TAS2R1: variants seen among roughly 807,000 people sequenced by gnomAD.
The protein encoded by TAS2R1 is taste receptor type 2 member 1.
For missense variants in TAS2R1, 370 were observed against 353.4 expected (o/e 1.05, Z -0.38); for synonymous variants, 141 against 134.2 (o/e 1.05, Z -0.35).
At chr5:9,649,812 C>A (rs935554348) in intron 2 of TAS2R1, among the ~76,000 whole-genome samples, 5 of 152,148 alleles carry the variant, frequency 3.3e-5, no homozygotes, top group African/African-American at 1.2e-4. Flanking sequence ...AGATTCATGA[C>A]AAACAGATGA....
the TAS2R1 span, among the ~76,000 whole-genome samples, chr5:9,867,448 T>C: frequency 1.9e-3 from 287 of 152,036 alleles, 1 homozygote; most frequent in Non-Finnish European, 6.9e-4. Flanking sequence ...AAAGAGTGTA[T>C]GCAAGGGATC....
the TAS2R1 span, among the ~76,000 whole-genome samples, chr5:9,862,254 G>A: frequency 1.3e-5 from 2 of 152,126 alleles, no homozygotes; most frequent in Non-Finnish European, 2.9e-5. Flanking sequence ...CATAGTCAGT[G>A]CATTCGTTTT....
At chr5:9,811,892 C>T in the TAS2R1 span, among the ~76,000 whole-genome samples, 1 of 152,132 alleles carries the variant, frequency 6.6e-6, no homozygotes, top group African/African-American at 2.4e-5. Context: ...TTCAACACAA[C>T]AGCCTCTTGG....
At chr5:9,859,541 G>A in the TAS2R1 span, among the ~76,000 whole-genome samples, 16 of 152,228 alleles carry the variant, frequency 1.1e-4, no homozygotes, top group Admixed American at 5.9e-4. Flanking sequence ...TGATTATTGC[G>A]TTCTGCTCTT....
the TAS2R1 span, among the ~76,000 whole-genome samples, chr5:9,774,216 G>A: frequency 2.6e-5 from 4 of 152,090 alleles, no homozygotes; most frequent in Non-Finnish European, 4.4e-5. Context: ...AGAGACTCAG[G>A]CATCCTTCGG....
the TAS2R1 span, among the ~76,000 whole-genome samples, chr5:9,829,699 G>A: frequency 2.6e-5 from 4 of 152,304 alleles, no homozygotes; most frequent in South Asian, 6.2e-4. Flanking sequence ...ATGGGCCCAG[G>A]AGTGGCAGGG....
intron 2 of TAS2R1, among the ~76,000 whole-genome samples, chr5:9,648,564 C>T (rs1740242264): frequency 6.6e-6 from 1 of 151,976 alleles, no homozygotes; most frequent in Non-Finnish European, 1.5e-5. Context: ...AGCTCGGTGT[C>T]CAGTGGCCCC....
chr5:9,769,864 T>C, the TAS2R1 span, among the ~76,000 whole-genome samples: 1 of 152,202 alleles, frequency 6.6e-6, no homozygotes, highest in Non-Finnish European at 1.5e-5. Flanking sequence ...TTCTATGGAT[T>C]ATCTCTTCAG....
chr5:9,757,276 G>T, the TAS2R1 span, among the ~76,000 whole-genome samples: 2,420 of 152,110 alleles, frequency 0.016, 56 homozygotes, highest in African/African-American at 0.053. Context: ...TTTATATTAG[G>T]ATAAAACTAC....
chr5:9,810,742 C>G, the TAS2R1 span, among the ~76,000 whole-genome samples: 1 of 152,106 alleles, frequency 6.6e-6, no homozygotes, highest in African/African-American at 2.4e-5. Context: ...GAAAAGTGGA[C>G]CCTTCTGAAT....
chr5:9,655,986 ACT>A (rs1335915297), intron 2 of TAS2R1, among the ~76,000 whole-genome samples: 1 of 151,484 alleles, frequency 6.6e-6, no homozygotes, highest in Admixed American at 6.6e-5. Flanking sequence ...GCTTCCCCTG[ACT>A]CTCAATGCTA....
chr5:9,681,665 C>T (rs1172637280), intron 1 of TAS2R1, among the ~76,000 whole-genome samples: 1 of 152,106 alleles, frequency 6.6e-6, no homozygotes, highest in Non-Finnish European at 1.5e-5. Context: ...CTTGCTCCCT[C>T]CTTAGACAAG....
the TAS2R1 span, among the ~76,000 whole-genome samples, chr5:9,769,537 A>G: frequency 6.6e-6 from 1 of 152,186 alleles, no homozygotes; most frequent in African/African-American, 2.4e-5. Context: ...CTAACAATGT[A>G]TGAGGGTTCC....
At chr5:9,822,162 A>C in the TAS2R1 span, among the ~76,000 whole-genome samples, 2 of 151,960 alleles carry the variant, frequency 1.3e-5, no homozygotes, top group Non-Finnish European at 2.9e-5. Flanking sequence ...ACTAGTTTTT[A>C]ATGTTTTGTT....
chr5:9,716,440 C>T (rs1300320049), upstream of TAS2R1, among the ~76,000 whole-genome samples: 2 of 152,006 alleles, frequency 1.3e-5, no homozygotes, highest in African/African-American at 4.8e-5. Flanking sequence ...CTGCTTTTAG[C>T]TAACTAAGGA....
At chr5:9,903,139 T>C in the TAS2R1 span, among the ~76,000 whole-genome samples, 3 of 152,058 alleles carry the variant, frequency 2.0e-5, no homozygotes, top group Non-Finnish European at 4.4e-5. Context: ...TGAGTTACTA[T>C]TGACTATAGC....
the TAS2R1 span, among the ~76,000 whole-genome samples, chr5:9,724,294 C>A: frequency 6.6e-6 from 1 of 151,308 alleles, no homozygotes; most frequent in African/African-American, 2.4e-5. Context: ...ACTTCAGACC[C>A]TTTAATCTTT....
the TAS2R1 span, among the ~76,000 whole-genome samples, chr5:9,744,611 T>G: frequency 8.2e-4 from 125 of 152,272 alleles, no homozygotes; most frequent in South Asian, 2.5e-3. Flanking sequence ...ATCATTAGAT[T>G]ATCAGATCTT....
intron 2 of TAS2R1, among the ~76,000 whole-genome samples, chr5:9,646,900 A>C (rs2106687): frequency 0.12 from 18,778 of 152,260 alleles, 1,366 homozygotes; most frequent in South Asian, 0.18. Context: ...CAATGAAAAC[A>C]AATGAATACA....
Sources: allele counts gnomAD v4.1 joint callset (sites outside exome capture counted in the v4.1 genomes callset), GRCh38; gene constraint gnomAD v4.1.1; transcripts MANE v1.5; gene names NCBI Gene and HGNC (gene_info 2026-07-23, HGNC 2026-07-21).